TMCO4: variants seen among roughly 807,000 people sequenced by gnomAD.
TMCO4 encodes the protein transmembrane and coiled-coil domains 4, also known as transmembrane and coiled-coil domain-containing protein 4.
Under a neutral mutation model 64.7 loss-of-function variants are expected in TMCO4, and 58 were observed. The ratio of observed to expected loss-of-function variants is 0.90; its 90% CI spans 0.73 to 1.12. The LOEUF is 1.12. TMCO4 is among the 50% of genes most tolerant of loss of function. The pLI is 0.00. For missense variants in TMCO4, 780 were observed against 825.9 expected (o/e 0.94, Z 0.68); for synonymous variants, 325 against 346.1 (o/e 0.94, Z 0.68).
chr1:19,777,197 C>T lies in TMCO4; in HGVS notation c.179+3383G>A, dbSNP rs564640389. 1.2e-4 allele frequency among the ~76,000 whole-genome samples: 19 copies of T among 152,218 alleles called. No homozygotes were observed. The South Asian group carries it at 3.7e-3, about 30-fold the overall frequency. On this transcript the variant is annotated intron_variant, in intron 4 of 15. Coordinates refer to ENST00000294543, the MANE Select transcript of TMCO4 (RefSeq NM_181719.7). ...ATTTTGGGAAAGATGTCCTCCCTGA[C>T]GGGAGACTTGGGGAGAATCCCTGCC...
chr1:19,746,636 ATG>A (rs1251635913), intron 8 of TMCO4, 37 bp from the exon 9 acceptor site: 1 of 1,583,296 alleles, frequency 6.3e-7, no homozygotes, highest in East Asian at 2.3e-5. Context: ...GGGAGTAAAA[ATG>A]TGGTGGCTGG....
At chr1:19,766,062 C>A (rs1295033065) in intron 6 of TMCO4, among the ~76,000 whole-genome samples, 1 of 151,438 alleles carries the variant, frequency 6.6e-6, no homozygotes, top group Non-Finnish European at 1.5e-5. Flanking sequence ...ACCAAGTGTC[C>A]ACCATGCATC....
At chr1:19,705,515 T>TA (rs1220644157) in intron 13 of TMCO4, among the ~76,000 whole-genome samples, 1 of 147,458 alleles carries the variant, frequency 6.8e-6, no homozygotes, top group Non-Finnish European at 1.5e-5. Context: ...GTCGATGAGA[T>TA]AAAAAAATAA....
At chr1:19,793,280 G>T (rs1016194842) in intron 2 of TMCO4, among the ~76,000 whole-genome samples, 1 of 152,084 alleles carries the variant, frequency 6.6e-6, no homozygotes, top group Non-Finnish European at 1.5e-5. Context: ...TGGCTACAGC[G>T]TCATGGGAAG....
chr1:19,711,574 G>A lies in TMCO4; in HGVS notation c.1265-10689C>T, dbSNP rs573670865. 8.6e-5 allele frequency among the ~76,000 whole-genome samples: 13 copies of A among 151,940 alleles called. No individual in the cohort carries two copies. The East Asian group carries it at 1.7e-3, about 20-fold the overall frequency. ...CGCAATCACGGCTCACTGCAGCCTC[G>A]ACTTCCCAGGCTCAAGTGATTCTCC... On this transcript the variant is annotated intron_variant, in intron 13 of 15. Transcript: ENST00000294543.
At chr1:19,745,458 A>G (rs757955921) in intron 10 of TMCO4, 74 bp downstream of exon 10, 3 of 1,604,620 alleles carry the variant, frequency 1.9e-6, no homozygotes, top group South Asian at 2.2e-5. Context: ...TAGTGCAGGT[A>G]AAAACCTAGC....
intron 4 of TMCO4, among the ~76,000 whole-genome samples, chr1:19,777,604 C>T (rs1044040148): frequency 3.3e-5 from 5 of 152,226 alleles, no homozygotes; most frequent in African/African-American, 9.7e-5. Flanking sequence ...ATGCCTCGGC[C>T]TCCCAAAGTG....
At position 19,780,619 on chromosome 1, in the gene TMCO4, C is replaced by A; in HGVS notation, c.140G>T (p.Gly47Val). ...AGGAAATAACTGGGACAGGGAGATG[C>A]CACAGAGGGCAGCATAGGCGAAGCG... The part of the protein sequence containing the change: ...ANRFAYAALC[G>V]ISLSQLFPEP... The change falls in exon 4 of 16, where the codon GGC (glycine) becomes GTC (valine). Residue 47 changes from glycine (G) to valine (V), a missense_variant. Gly to Val is a moderately radical substitution (Grantham distance 109, BLOSUM62 -3). Coordinates refer to ENST00000294543, the MANE Select transcript of TMCO4 (RefSeq NM_181719.7). The A allele has an allele frequency of 6.2e-7, 1 of 1,612,436 alleles. No individual in the cohort carries two copies. Among genetic ancestry groups the A allele is most frequent in the Non-Finnish European group, 8.5e-7 (1 of 1,179,380 alleles).
rs2042975166 is a variant in TMCO4 at position 19,771,396 on chromosome 1, C to T, written c.266G>A (p.Ser89Asn). The T allele has an allele frequency of 1.9e-6, 3 of 1,614,180 alleles. No homozygotes were observed. The highest frequency in any genetic ancestry group is 2.5e-6 in the Non-Finnish European group (3 of 1,180,034). Residue 89 changes from serine (S) to asparagine (N), a missense_variant, in exon 5 of 16, where the codon AGC (serine) becomes AAC (asparagine). Transcript: ENST00000294543. ...AVLPTMTAFA[S>N]GLGGEGADVF... The stretch of plus-strand genomic sequence containing the variant: ...ATCTGCTCCTTCACCTCCCAGGCCG[C>T]TCGCAAAAGCAGTCATGGTTGGCAA...
intron 15 of TMCO4, among the ~76,000 whole-genome samples, chr1:19,685,710 C>CTTGTTTTTTTTTTT (rs2095142285): frequency 9.4e-6 from 1 of 106,614 alleles, no homozygotes; most frequent in Non-Finnish European, 1.9e-5. Flanking sequence ...AGGCCTGTTT[C>CTTGTTTTTTTTTTT]TTTTTTTTTT....
chr1:19,747,178 C>G lies in TMCO4; in HGVS notation c.598G>C (p.Gly200Arg). ...CTGGACTCACCGATCACCGTTCCGC[C>G]TCCGACAGTCGCCAGGCCTATCAGG... ...YLLIGLATVG[G>R]GTVIGVTGGL... Residue 200 changes from glycine to arginine, a missense_variant, in exon 8 of 16, where the codon GGC (glycine) becomes CGC (arginine). Coordinates refer to ENST00000294543, the MANE Select transcript of TMCO4 (RefSeq NM_181719.7). The G allele has an allele frequency of 1.2e-6, 2 of 1,614,046 alleles. No homozygotes were observed. Among genetic ancestry groups the G allele is most frequent in the Non-Finnish European group, 1.7e-6 (2 of 1,179,960 alleles).
intron 2 of TMCO4, among the ~76,000 whole-genome samples, chr1:19,794,394 G>A (rs542235733): frequency 6.6e-6 from 1 of 152,374 alleles, no homozygotes; most frequent in South Asian, 2.1e-4. Flanking sequence ...GTTAAGCACA[G>A]TGGGAACTCA....
In TMCO4 at chr1:19,683,364, G is replaced by T. The variant is rs200604678; in HGVS notation, c.1581C>A (p.Asp527Glu). 31 of 1,613,918 alleles carry T rather than the reference G, an allele frequency of 1.9e-5. No individual in the cohort carries two copies. The highest frequency in any genetic ancestry group is 4.0e-5 in the African/African-American group (3 of 75,066). Residue 527 changes from aspartate to glutamate, a missense_variant, in exon 16 of 16, where the codon GAC (aspartate) becomes GAA (glutamate). Transcript: ENST00000294543. ...AVGIRTKPGW[D>E]EKGLLLAPGC... ...CTGGGGCCAGCAAGAGCCCCTTCTC[G>T]TCCCAGCCTGGCTTGGTGCGGATGC...
At chr1:19,719,076 T>G (rs766870587) in intron 13 of TMCO4, among the ~76,000 whole-genome samples, 10 of 152,204 alleles carry the variant, frequency 6.6e-5, no homozygotes, top group Middle Eastern at 3.2e-3. Flanking sequence ...TCTGAAGAAG[T>G]CGCTGCTGCA....
chr1:19,746,009 T>C (rs2041764539), intron 9 of TMCO4, among the ~76,000 whole-genome samples: 1 of 151,774 alleles, frequency 6.6e-6, no homozygotes, highest in African/African-American at 2.4e-5. Context: ...AGACCAAGAG[T>C]CTCATCAGGG....
intron 13 of TMCO4, among the ~76,000 whole-genome samples, chr1:19,710,975 G>A (rs2095328203): frequency 6.6e-6 from 1 of 152,204 alleles, no homozygotes; most frequent in Admixed American, 6.5e-5. Flanking sequence ...TGTGAAACAC[G>A]ACACACTTTC....
intron 13 of TMCO4, among the ~76,000 whole-genome samples, chr1:19,707,077 A>G (rs1455352557): frequency 6.6e-6 from 1 of 152,226 alleles, no homozygotes. Context: ...TCAAAGTTAA[A>G]GTCATTGCAA....
At chr1:19,778,742 C>T (rs2043324023) in intron 4 of TMCO4, among the ~76,000 whole-genome samples, 1 of 152,226 alleles carries the variant, frequency 6.6e-6, no homozygotes, top group Admixed American at 6.5e-5. Flanking sequence ...TATGGACCAT[C>T]TCCTTGTTGA....
At chr1:19,751,891 A>G (rs932417230) in intron 7 of TMCO4, among the ~76,000 whole-genome samples, 3 of 151,970 alleles carry the variant, frequency 2.0e-5, no homozygotes, top group African/African-American at 7.3e-5. Flanking sequence ...TACTAAAAAT[A>G]CAAAAAATTA....
Sources: gnomAD v4.1 joint callset for allele counts (sites outside exome capture counted in the v4.1 genomes callset) on GRCh38, gnomAD v4.1.1 for gene constraint, MANE v1.5 for transcripts, NCBI Gene and HGNC (gene_info 2026-07-23, HGNC 2026-07-21) for gene names.